EIF2AK3: variants seen among roughly 807,000 people sequenced by gnomAD.
EIF2AK3 encodes eukaryotic translation initiation factor 2-alpha kinase 3.
Under a neutral mutation model 113.5 loss-of-function variants are expected in EIF2AK3, and 50 were observed. The observed-to-expected ratio is 0.44, with a 90% CI of 0.35 to 0.56. The LOEUF (loss-of-function observed/expected upper bound fraction) is 0.56, where lower values mean the gene tolerates loss of function less well. Ranked by LOEUF, EIF2AK3 falls within the 20% of genes least tolerant of loss-of-function variation. EIF2AK3 has a pLI of 0.00. For synonymous variants in EIF2AK3, 448 were observed against 495.4 expected (o/e 0.90, Z 1.27); for missense variants, 1,185 against 1,378.0 (o/e 0.86, Z 2.22).
At position 88,593,166 on chromosome 2, in the gene EIF2AK3, T is replaced by C. The variant is rs1674927676; in HGVS notation, c.767+106A>G. 2.2e-6 allele frequency: 3 copies of C among 1,387,322 alleles called. No individual in the cohort carries two copies. The Admixed American group carries it at 5.2e-5, about 24-fold the overall frequency. The allele number at this position is 1,387,322 out of a possible 1,614,324, so 85.9% of individuals were successfully genotyped here. On this transcript the variant is annotated intron_variant, in intron 4 of 16. Coordinates refer to ENST00000303236, the MANE Select transcript of EIF2AK3 (RefSeq NM_004836.7). ...CAAAAAAATATATATATATATGCTT[T>C]TAAGGCAACAAAATAGTCAAAATCT...
At chr2:88,619,495 C>A (rs1313745038) in intron 1 of EIF2AK3, among the ~76,000 whole-genome samples, 1 of 152,200 alleles carries the variant, frequency 6.6e-6, no homozygotes, top group Non-Finnish European at 1.5e-5. Context: ...ATCACCATAA[C>A]AGGCTCAGGA....
intron 2 of EIF2AK3, among the ~76,000 whole-genome samples, chr2:88,597,139 G>C (rs1000724249): frequency 6.6e-6 from 1 of 152,198 alleles, no homozygotes; most frequent in Non-Finnish European, 1.5e-5. Flanking sequence ...CAGTAACTGA[G>C]AGTTCTCATT....
Position 88,625,520 on chromosome 2 carries a change from C to T in EIF2AK3, c.308+1447G>A, listed in dbSNP as rs1166305141. Among the ~76,000 whole-genome samples the T allele has an allele frequency of 3.3e-5, 5 of 152,276 alleles. No homozygotes were observed. The East Asian group carries it at 7.7e-4, about 23-fold the overall frequency. ...CTCACCTAGTAGAACACCACAAAAA[C>T]CTTGGGACATCCCTGACACTGGCAC... On this transcript the variant is annotated intron_variant, in intron 1 of 16. Coordinates refer to ENST00000303236, the MANE Select transcript of EIF2AK3 (RefSeq NM_004836.7).
intron 14 of EIF2AK3, among the ~76,000 whole-genome samples, chr2:88,570,319 C>A (rs1374207683): frequency 6.6e-6 from 1 of 152,208 alleles, no homozygotes; most frequent in African/African-American, 2.4e-5. Flanking sequence ...CTGGTGGTGG[C>A]TGAGCATGCT....
At chr2:88,559,723 T>C (rs1673891101) in intron 15 of EIF2AK3, among the ~76,000 whole-genome samples, 1 of 152,182 alleles carries the variant, frequency 6.6e-6, no homozygotes, top group South Asian at 2.1e-4. Context: ...AAGTGGACTT[T>C]TGTGTCTGGC....
intron 3 of EIF2AK3, among the ~76,000 whole-genome samples, chr2:88,594,249 A>G (rs1257106345): frequency 2.6e-5 from 4 of 152,200 alleles, no homozygotes; most frequent in Non-Finnish European, 5.9e-5. Flanking sequence ...ACACGTCACA[A>G]TGGTGTGATC....
At chr2:88,618,114 C>T (rs922556653) in intron 1 of EIF2AK3, among the ~76,000 whole-genome samples, 4 of 152,230 alleles carry the variant, frequency 2.6e-5, no homozygotes, top group East Asian at 1.9e-4. Flanking sequence ...CCCAGGAGGT[C>T]GTGGCTGCAG....
chr2:88,620,393 T>C (rs1675692934), intron 1 of EIF2AK3, among the ~76,000 whole-genome samples: 3 of 152,196 alleles, frequency 2.0e-5, no homozygotes, highest in African/African-American at 4.8e-5. Context: ...GTATAATAAA[T>C]TCTCCCATCT....
intron 3 of EIF2AK3, among the ~76,000 whole-genome samples, chr2:88,595,064 G>C (rs1172869951): frequency 6.7e-6 from 1 of 149,170 alleles, no homozygotes; most frequent in Middle Eastern, 3.4e-3. Flanking sequence ...ATGGTGGCAT[G>C]TGCCTGTAAT....
At chr2:88,612,678 A>G (rs1438772568) in intron 2 of EIF2AK3, among the ~76,000 whole-genome samples, 7 of 152,216 alleles carry the variant, frequency 4.6e-5, no homozygotes, top group Non-Finnish European at 7.4e-5. Context: ...AAAGCACAGG[A>G]AAGTCTGTTA....
At chr2:88,595,357 CAG>C (rs1375839392) in intron 3 of EIF2AK3, 110 bp downstream of exon 3, 13 of 1,086,048 alleles carry the variant, frequency 1.2e-5, no homozygotes, top group South Asian at 1.4e-5. Context: ...ATGACAACCT[CAG>C]GGGAAAATTA....
rs912662318 is a variant in EIF2AK3 at position 88,593,385 on chromosome 2, A to G, written c.654T>C (p.Ala218=). The change falls in exon 4 of 17, where the codon GCT becomes GCC. Residue 218 remains alanine (A), a synonymous_variant. Coordinates refer to ENST00000303236, the MANE Select transcript of EIF2AK3 (RefSeq NM_004836.7). ...YSGKVRYICS[A]LGCRQWDSDE... ...CACTATCCCATTGGCGACAACCCAG[A>G]GCTGAACAGATATACCTCACCTGAA... 2 of 1,614,070 alleles carry G rather than the reference A, an allele frequency of 1.2e-6. No individual in the cohort carries two copies. The highest frequency in any genetic ancestry group is 1.7e-5 in the Admixed American group (1 of 60,016).
intron 16 of EIF2AK3, 105 bp downstream of exon 16, chr2:88,558,812 T>C (rs1673857170): frequency 3.2e-6 from 3 of 924,614 alleles, no homozygotes; most frequent in East Asian, 5.3e-5. Flanking sequence ...CTCTAGACCT[T>C]TGGCTTCCTC....
chr2:88,619,592 T>C (rs1457671898), intron 1 of EIF2AK3, among the ~76,000 whole-genome samples: 1 of 152,212 alleles, frequency 6.6e-6, no homozygotes, highest in Non-Finnish European at 1.5e-5. Context: ...ATCAACTCTT[T>C]GTGCTCCCTC....
At position 88,607,068 on chromosome 2, in the gene EIF2AK3, A is replaced by G. The variant is rs577517368; in HGVS notation, c.438+6656T>C. Among the ~76,000 whole-genome samples the G allele has an allele frequency of 8.5e-5, 13 of 152,366 alleles. 1 individual carries two copies. The South Asian group carries it at 2.5e-3, about 29-fold the overall frequency. On this transcript the variant is annotated intron_variant, in intron 2 of 16. Coordinates refer to ENST00000303236, the MANE Select transcript of EIF2AK3 (RefSeq NM_004836.7). ...ACAAATTAGTTATATATACACAATT[A>G]CAATATGCATTCTGAATAACAATAA...
chr2:88,576,133 T>G (rs1331969123), intron 12 of EIF2AK3, among the ~76,000 whole-genome samples: 1 of 152,178 alleles, frequency 6.6e-6, no homozygotes, highest in African/African-American at 2.4e-5. Context: ...CAAACATTTT[T>G]AAAAAATGGA....
At chr2:88,560,176 A>C (rs1673911413) in intron 15 of EIF2AK3, among the ~76,000 whole-genome samples, 1 of 151,618 alleles carries the variant, frequency 6.6e-6, no homozygotes, top group African/African-American at 2.4e-5. Context: ...GTGGTATCTC[A>C]TTGTGGTTTT....
Position 88,594,001 on chromosome 2 carries a change from C to T in EIF2AK3, c.634-596G>A, listed in dbSNP as rs149982236. On this transcript the variant is annotated intron_variant, in intron 3 of 16. Coordinates refer to ENST00000303236, the MANE Select transcript of EIF2AK3 (RefSeq NM_004836.7). Reference sequence around the variant, plus strand: ...TCCTGTTGTTTACAGATGAGACTACCGAAGTAAACAGAGATTGAAGTGCTT... The same window carrying T: ...TCCTGTTGTTTACAGATGAGACTACTGAAGTAAACAGAGATTGAAGTGCTT... The T allele has an allele frequency of 1.1e-4, 106 of 960,358 alleles. No individual in the cohort carries two copies. In the African/African-American group the frequency reaches 1.7e-3, roughly 15 times the overall value. 59.5% of individuals were successfully genotyped at this position (960,358 alleles called of 1,614,324 possible).
chr2:88,571,792 C>T (rs1428333052), intron 13 of EIF2AK3, among the ~76,000 whole-genome samples: 1 of 152,190 alleles, frequency 6.6e-6, no homozygotes, highest in Non-Finnish European at 1.5e-5. Context: ...TCTATGCTGC[C>T]TCTCGTAAAA....
Sources: gnomAD v4.1 joint callset for allele counts (sites outside exome capture counted in the v4.1 genomes callset) on GRCh38, gnomAD v4.1.1 for gene constraint, MANE v1.5 for transcripts, NCBI Gene and HGNC (gene_info 2026-07-23, HGNC 2026-07-21) for gene names.